VAPB: variants seen among roughly 807,000 people sequenced by gnomAD.
VAPB encodes VAMP associated protein B and C.
In VAPB, 7 loss-of-function variants were observed where a neutral mutation model predicts 25.6. That is an observed-to-expected ratio of 0.27 (90% CI 0.16 to 0.51). The LOEUF is 0.51. VAPB is among the 20% of genes least tolerant of loss of function. The pLI is 0.97. For missense variants in VAPB, 266 were observed against 301.3 expected (o/e 0.88, Z 0.87); for synonymous variants, 112 against 109.2 (o/e 1.03, Z -0.16).
At chr20:58,423,121 C>T (rs958017726) in intron 2 of VAPB, among the ~76,000 whole-genome samples, 2 of 152,006 alleles carry the variant, frequency 1.3e-5, no homozygotes, top group Admixed American at 6.6e-5. Context: ...CCAGTAAAAT[C>T]CTCAGGACAG....
intron 1 of VAPB, among the ~76,000 whole-genome samples, chr20:58,402,083 C>G (rs894218417): frequency 6.6e-6 from 1 of 152,174 alleles, no homozygotes; most frequent in South Asian, 2.1e-4. Flanking sequence ...CAAATCTGAG[C>G]ATATCTCTTG....
In VAPB at chr20:58,448,310, A is replaced by G. The variant is rs567385819; in HGVS notation, c.*4075A>G. 27 of 453,562 alleles carry G rather than the reference A, an allele frequency of 6.0e-5. No homozygotes were observed. The highest frequency in any genetic ancestry group is 4.0e-4 in the South Asian group (26 of 64,468). The allele number at this position is 453,562 out of a possible 1,614,324, so 28.1% of individuals were successfully genotyped here. ...TACGCGAATTGAGTTTCTGTGGCCT[A>G]ATTGGATTTGGAGAACGCCTTCCCT... On this transcript the variant is annotated 3_prime_UTR_variant, in exon 6 of 6. Coordinates refer to ENST00000475243, the MANE Select transcript of VAPB (RefSeq NM_004738.5).
chr20:58,426,562 T>C (rs1988787749), intron 2 of VAPB, among the ~76,000 whole-genome samples: 1 of 152,152 alleles, frequency 6.6e-6, no homozygotes, highest in African/African-American at 2.4e-5. Flanking sequence ...GCACACCTGT[T>C]GGAGCAGAAG....
At chr20:58,441,849 G>T (rs1413254074) in intron 5 of VAPB, among the ~76,000 whole-genome samples, 2 of 152,192 alleles carry the variant, frequency 1.3e-5, no homozygotes, top group African/African-American at 4.8e-5. Context: ...ATAGGTCTGG[G>T]CAGTTGTGGC....
chr20:58,436,992 CTTTTTTT>C (rs34944837), intron 3 of VAPB, among the ~76,000 whole-genome samples: 5 of 77,432 alleles, frequency 6.5e-5, no homozygotes, highest in South Asian at 5.1e-4. Flanking sequence ...AAACTTTGAA[CTTTTTTT>C]TTTTTTTTTT....
chr20:58,426,870 A>G (rs538268483), intron 2 of VAPB, among the ~76,000 whole-genome samples: 8 of 152,332 alleles, frequency 5.3e-5, no homozygotes, highest in Admixed American at 3.3e-4. Flanking sequence ...CGAAGATAAG[A>G]TTGTGAGATT....
At position 58,446,404 on chromosome 20, in the gene VAPB, C is replaced by T; in HGVS notation, c.*2169C>T. On this transcript the variant is annotated 3_prime_UTR_variant, in exon 6 of 6. Coordinates refer to ENST00000475243, the MANE Select transcript of VAPB (RefSeq NM_004738.5). ...TGGTCCCCAACAGTGCCTAGGGGTA[C>T]AGTACAGTCCCATTACACTAGAGCA... 6.6e-6 allele frequency: 3 copies of T among 454,098 alleles called. No individual in the cohort carries two copies. The highest frequency in any genetic ancestry group is 1.6e-5 in the South Asian group (1 of 64,472). The allele number at this position is 454,098 out of a possible 1,614,324, so 28.1% of individuals were successfully genotyped here.
chr20:58,416,807 A>G (rs1988550721), intron 1 of VAPB, among the ~76,000 whole-genome samples: 1 of 151,512 alleles, frequency 6.6e-6, no homozygotes, highest in Non-Finnish European at 1.5e-5. Context: ...TAGAGACACC[A>G]GCCTGAGGAT....
chr20:58,427,564 C>G (rs1486912861), intron 2 of VAPB, among the ~76,000 whole-genome samples: 3 of 151,994 alleles, frequency 2.0e-5, no homozygotes, highest in East Asian at 3.9e-4. Context: ...GATCTGTGAT[C>G]TGTTACCATT....
chr20:58,425,201 G>A (rs1002226043), intron 2 of VAPB, among the ~76,000 whole-genome samples: 7 of 152,168 alleles, frequency 4.6e-5, no homozygotes, highest in African/African-American at 1.7e-4. Context: ...ATATGGTAGA[G>A]GACAGTCTTT....
At position 58,450,067 on chromosome 20, in the gene VAPB, G is replaced by A. The variant is rs886056833; in HGVS notation, c.*5832G>A. ...AAGAAGATGAGAAATGAGTGTGCAC[G>A]TTTCACACGTTGACTTGCCGGTTTT... On this transcript the variant is annotated 3_prime_UTR_variant, in exon 6 of 6. Transcript: ENST00000475243. 1.1e-5 allele frequency: 5 copies of A among 453,910 alleles called. No homozygotes were observed. Among genetic ancestry groups the A allele is most frequent in the African/African-American group, 4.0e-5 (2 of 49,966 alleles). 28.1% of individuals were successfully genotyped at this position (453,910 alleles called of 1,614,324 possible).
At position 58,444,789 on chromosome 20, in the gene VAPB, G is replaced by C. The variant is rs1989243029; in HGVS notation, c.*554G>C. On this transcript the variant is annotated 3_prime_UTR_variant, in exon 6 of 6. Coordinates refer to ENST00000475243, the MANE Select transcript of VAPB (RefSeq NM_004738.5). ...AAGGAATTGCACTGTGGCAGCATCA[G>C]ACGTACTCGTCATAAGTGAGAGGCG... 1 of 454,466 alleles carries C rather than the reference G, an allele frequency of 2.2e-6. No homozygotes were observed. The highest frequency in any genetic ancestry group is 2.3e-5 in the Admixed American group (1 of 42,564). The allele number at this position is 454,466 out of a possible 1,614,324, so 28.2% of individuals were successfully genotyped here. A position where few individuals can be genotyped will look rare whatever the true frequency, so the allele number is the denominator to read the frequency against.
At chr20:58,425,361 G>A (rs949569922) in intron 2 of VAPB, among the ~76,000 whole-genome samples, 19 of 152,316 alleles carry the variant, frequency 1.2e-4, no homozygotes, top group Admixed American at 1.0e-3. Flanking sequence ...GTAAAGAAGG[G>A]TTTCCTCTTT....
rs76600855 is a variant in VAPB at position 58,438,179 on chromosome 20, C to T, written c.316-766C>T. On this transcript the variant is annotated intron_variant, in intron 3 of 5. Transcript: ENST00000475243. ...GAGGGATTTGGTAATGAATGTGTTC[C>T]GTTGGTAGTTGGCAGAGTGGTTCTG... is the stretch of plus-strand genomic sequence containing the variant. Among the ~76,000 whole-genome samples, 31 of 152,218 alleles carry T rather than the reference C, an allele frequency of 2.0e-4. No homozygotes were observed. The East Asian group carries it at 5.8e-3, about 28-fold the overall frequency.
chr20:58,414,372 C>T (rs939174613), intron 1 of VAPB, among the ~76,000 whole-genome samples: 2 of 151,358 alleles, frequency 1.3e-5, no homozygotes, highest in African/African-American at 4.8e-5. Flanking sequence ...GGCGGAGACG[C>T]CCCCCACCTC....
chr20:58,390,187 T>A (rs1758538891), intron 1 of VAPB: 2 of 152,098 alleles, frequency 1.3e-5, no homozygotes, highest in Admixed American at 1.3e-4. Flanking sequence ...TTGGGCCCAT[T>A]TTCCTTTCAC....
At chr20:58,398,294 G>T (rs1988012040) in intron 1 of VAPB, among the ~76,000 whole-genome samples, 1 of 152,150 alleles carries the variant, frequency 6.6e-6, no homozygotes, top group African/African-American at 2.4e-5. Context: ...TTGAAAAATC[G>T]CAAGTCAAAC....
intron 1 of VAPB, among the ~76,000 whole-genome samples, chr20:58,409,904 TAC>T (rs34649242): frequency 0.091 from 13,494 of 147,930 alleles, 1,129 homozygotes; most frequent in African/African-American, 0.22. Context: ...TTTATTCATA[TAC>T]ACACACACAC....
intron 1 of VAPB, chr20:58,390,224 G>T (rs1987759422): frequency 6.6e-6 from 1 of 152,178 alleles, no homozygotes; most frequent in Non-Finnish European, 1.5e-5. Flanking sequence ...TCTCCTGGTT[G>T]CGGTGCAAGG....
Sources: gnomAD v4.1 joint callset for allele counts (sites outside exome capture counted in the v4.1 genomes callset) on GRCh38, gnomAD v4.1.1 for gene constraint, MANE v1.5 for transcripts, NCBI Gene and HGNC (gene_info 2026-07-23, HGNC 2026-07-21) for gene names.